PPIL2: variants seen among roughly 807,000 people sequenced by gnomAD.
PPIL2 encodes the protein peptidylprolyl isomerase like 2.
In PPIL2, 50 loss-of-function variants were observed where a neutral mutation model predicts 75.2. The observed-to-expected ratio is 0.66, with a 90% CI of 0.53 to 0.84. The LOEUF is 0.84. PPIL2 is among the 40% of genes least tolerant of loss of function. The pLI, the probability that PPIL2 is intolerant of heterozygous loss-of-function variation, is 0.00. For missense variants in PPIL2, 590 were observed against 685.0 expected (o/e 0.86, Z 1.55); for synonymous variants, 245 against 258.8 (o/e 0.95, Z 0.51).
chr22:21,676,932 G>A (rs1223701454), intron 6 of PPIL2, among the ~76,000 whole-genome samples: 2 of 152,016 alleles, frequency 1.3e-5, no homozygotes, highest in Non-Finnish European at 2.9e-5. Context: ...CAGAAGGGGC[G>A]GCCGGGCAGA....
intron 10 of PPIL2, chr22:21,685,624 T>G (rs190816873): frequency 1.7e-4 from 76 of 452,322 alleles, no homozygotes; most frequent in Admixed American, 9.3e-4. Flanking sequence ...CTTTTTTTTT[T>G]CTTTTGGAAA....
At chr22:21,680,672 A>T (rs1390101081) in intron 6 of PPIL2, among the ~76,000 whole-genome samples, 2 of 151,724 alleles carry the variant, frequency 1.3e-5, no homozygotes, top group African/African-American at 2.4e-5. Flanking sequence ...TACTAAAAAT[A>T]CAGAAAAATT....
At chr22:21,685,366 G>A (rs1279343997) in intron 10 of PPIL2, among the ~76,000 whole-genome samples, 4 of 152,160 alleles carry the variant, frequency 2.6e-5, no homozygotes, top group South Asian at 4.1e-4. Flanking sequence ...GTCTGCTGCG[G>A]TGCTGACGTG....
intron 1 of PPIL2, chr22:21,669,328 T>C (rs760762261): frequency 1.1e-5 from 5 of 449,468 alleles, no homozygotes; most frequent in South Asian, 7.9e-5. Flanking sequence ...TTAAATTTTC[T>C]TGTAGAGACA....
In PPIL2 at chr22:21,674,598, G is replaced by A. The variant is rs58095624; in HGVS notation, c.244-466G>A. Among the ~76,000 whole-genome samples the A allele has an allele frequency of 7.3e-3, 1,116 of 152,332 alleles. 12 individuals carry two copies. The highest frequency in any genetic ancestry group is 0.025 in the African/African-American group (1,047 of 41,568). On this transcript the variant is annotated intron_variant, in intron 5 of 19. Transcript: ENST00000398831. ...TGTCTGTAGTCCTAGCTACTCGGGA[G>A]GCTGAGGCAGGAGAATCACTTGAAC...
chr22:21,682,617 C>G (rs1183701165), intron 8 of PPIL2, 91 bp downstream of exon 8: 1 of 671,486 alleles, frequency 1.5e-6, no homozygotes, highest in Non-Finnish European at 2.1e-6. Flanking sequence ...GTCAGGGCCC[C>G]TCATATCTGT....
intron 5 of PPIL2, among the ~76,000 whole-genome samples, chr22:21,673,929 C>G (rs1202745265): frequency 1.3e-5 from 2 of 152,168 alleles, no homozygotes; most frequent in Non-Finnish European, 2.9e-5. Flanking sequence ...TCCTCCACAC[C>G]TGTAGTGATG....
At chr22:21,670,296 C>G in intron 2 of PPIL2, 1 of 1,462,982 alleles carries the variant, frequency 6.8e-7, no homozygotes, top group Non-Finnish European at 9.1e-7. Context: ...ATAATATTTT[C>G]AGCTGTCAAA....
At chr22:21,684,470 AAAAAAG>A (rs1569033648) in intron 9 of PPIL2, among the ~76,000 whole-genome samples, 13 of 147,746 alleles carry the variant, frequency 8.8e-5, no homozygotes, top group African/African-American at 3.1e-4. Flanking sequence ...AAAAAAAAAA[AAAAAAG>A]AAAAAAAAAG....
In PPIL2 at chr22:21,683,176, C is replaced by G; in HGVS notation, c.478-6C>G. On this transcript the variant is annotated splice_region_variant and splice_polypyrimidine_tract_variant and intron_variant, in intron 8 of 19. Coordinates refer to ENST00000398831, the MANE Select transcript of PPIL2 (RefSeq NM_014337.4). Reference sequence around the variant, plus strand: ...CACTCTGCTGGGCATTCTCTTTTTGCCACAGGACCCCACCAATTTGGACAA... The same window carrying G: ...CACTCTGCTGGGCATTCTCTTTTTGGCACAGGACCCCACCAATTTGGACAA... 1 of 1,611,624 alleles carries G rather than the reference C, an allele frequency of 6.2e-7. No homozygotes were observed.
chr22:21,674,910 T>C (rs980256520), intron 5 of PPIL2, among the ~76,000 whole-genome samples, 154 bp from the exon 6 acceptor site: 1 of 152,134 alleles, frequency 6.6e-6, no homozygotes, highest in Non-Finnish European at 1.5e-5. Flanking sequence ...GCAGCCCCCG[T>C]GAGGTCCTTG....
intron 16 of PPIL2, 29 bp from the exon 17 acceptor site, chr22:21,694,564 G>A (rs762496684): frequency 1.2e-5 from 20 of 1,612,898 alleles, no homozygotes; most frequent in African/African-American, 2.7e-5. Flanking sequence ...TTGAGCACAC[G>A]CAGACCCACC....
downstream of PPIL2, chr22:21,699,967 C>T (rs894332146): frequency 3.3e-5 from 5 of 152,352 alleles, no homozygotes; most frequent in Non-Finnish European, 7.3e-5. Context: ...CACCTGCTTT[C>T]TAGATAAGGA....
chr22:21,677,017 G>A (rs2066893675), intron 6 of PPIL2, among the ~76,000 whole-genome samples: 2 of 150,336 alleles, frequency 1.3e-5, no homozygotes, highest in Non-Finnish European at 3.0e-5. Flanking sequence ...CGGGGCGGCT[G>A]GCCGGGCGGG....
intron 9 of PPIL2, among the ~76,000 whole-genome samples, chr22:21,684,170 G>A (rs1205559376): frequency 6.6e-6 from 1 of 151,356 alleles, no homozygotes; most frequent in Admixed American, 6.6e-5. Flanking sequence ...TCTTGCAACC[G>A]CTTTCTAGCT....
chr22:21,682,155 G>A (rs2067153129), intron 7 of PPIL2, among the ~76,000 whole-genome samples: 1 of 152,258 alleles, frequency 6.6e-6, no homozygotes, highest in African/African-American at 2.4e-5. Context: ...CAGCGAGTGG[G>A]TGGGTGACTC....
At chr22:21,676,833 C>T (rs1240591645) in intron 6 of PPIL2, among the ~76,000 whole-genome samples, 2 of 152,232 alleles carry the variant, frequency 1.3e-5, no homozygotes, top group East Asian at 3.8e-4. Context: ...TCGACAAAAC[C>T]ACCATCGTCA....
chr22:21,686,925 T>C lies in PPIL2; in HGVS notation c.824T>C (p.Phe275Ser). 1 of 1,614,014 alleles carries C rather than the reference T, an allele frequency of 6.2e-7. No homozygotes were observed. Among genetic ancestry groups the C allele is most frequent in the South Asian group, 1.1e-5 (1 of 91,086 alleles). Residue 275 changes from phenylalanine (F) to serine (S), a missense_variant, in exon 12 of 20, where the codon TTT becomes TCT. Physicochemically the swap from Phe to Ser is radical, Grantham distance 155 (BLOSUM62 -2). Transcript: ENST00000398831. ...AIDEDVLRYQFVKKKGYVRLH... is the reference protein window; with the variant it reads ...AIDEDVLRYQSVKKKGYVRLH... ...GACGAGGATGTGCTGCGCTACCAGT[T>C]TGTGAAGAAGAAGGGCTACGTGCGG...
At chr22:21,693,790 C>T in intron 15 of PPIL2, 26 bp from the exon 16 acceptor site, 2 of 1,525,646 alleles carry the variant, frequency 1.3e-6, no homozygotes, top group Non-Finnish European at 1.8e-6. Context: ...CCATGCTCTC[C>T]CTAACCATCC....
Sources: allele counts gnomAD v4.1 joint callset (sites outside exome capture counted in the v4.1 genomes callset), GRCh38; gene constraint gnomAD v4.1.1; transcripts MANE v1.5; gene names NCBI Gene and HGNC (gene_info 2026-07-23, HGNC 2026-07-21).